The following SND1 variants were observed in gnomAD, a reference collection of about 807,000 sequenced individuals.
SND1 encodes the protein staphylococcal nuclease domain-containing protein 1.
SND1 carries 38 observed loss-of-function variants against 121.7 expected under a neutral mutation model. That is an observed-to-expected ratio of 0.31 (90% confidence interval 0.24 to 0.41). The LOEUF (loss-of-function observed/expected upper bound fraction) is 0.41, where lower values mean the gene tolerates loss of function less well. Ranked by LOEUF, SND1 falls within the 10% of genes least tolerant of loss-of-function variation. The pLI, the probability that SND1 is intolerant of heterozygous loss-of-function variation, is 1.00. For missense variants in SND1, 868 were observed against 1,184.6 expected, an observed-to-expected ratio of 0.73 and a Z score of 3.92; for synonymous variants, 401 against 447.4, an observed-to-expected ratio of 0.90 and a Z score of 1.31.
chr7:128,075,041 TTC>T (rs1793484096), intron 17 of SND1, among the ~76,000 whole-genome samples: 1 of 152,092 alleles, frequency 6.6e-6, no homozygotes, highest in African/African-American at 2.4e-5. Context: ...GCCCTGACCC[TTC>T]TCTGTCAGTG....
At chr7:128,030,600 C>A in intron 16 of SND1, 1 of 1,591,882 alleles carries the variant, frequency 6.3e-7, no homozygotes. Flanking sequence ...GATGGCATTC[C>A]AGGTGTGGTG....
intron 16 of SND1, among the ~76,000 whole-genome samples, chr7:128,060,084 G>A (rs1423039865): frequency 2.0e-5 from 3 of 152,180 alleles, no homozygotes; most frequent in Non-Finnish European, 2.9e-5. Flanking sequence ...GTGGGTGTGG[G>A]TTGCCCCTTG....
intron 2 of SND1, among the ~76,000 whole-genome samples, chr7:127,691,829 A>G (rs1223193016): frequency 5.0e-5 from 7 of 139,044 alleles, no homozygotes; most frequent in Non-Finnish European, 9.2e-5. Context: ...GAGTTTCACC[A>G]TGTTGGCCAG....
rs375879893 is a variant in SND1, at chr7:127,713,239, T to C, written c.1038+5592T>C. ...ATTCCAGGAAAACTTTATAACAATA[T>C]GAAGTGGGCTGGATGGCCCTTGGGC... On this transcript the variant is annotated intron_variant, in intron 9 of 23. Transcript: ENST00000354725. Among the ~76,000 whole-genome samples, 378 of 152,376 alleles carry C rather than the reference T, an allele frequency of 2.5e-3. 2 individuals carry two copies. The highest frequency in any genetic ancestry group is 8.7e-3 in the African/African-American group (362 of 41,584).
intron 11 of SND1, among the ~76,000 whole-genome samples, chr7:127,814,110 G>A (rs1025959240): frequency 3.9e-5 from 6 of 152,038 alleles, no homozygotes; most frequent in Non-Finnish European, 7.4e-5. Flanking sequence ...ATATTTTTCT[G>A]GTGAATGTTC....
At chr7:127,884,181 A>C (rs116815539) in intron 12 of SND1, among the ~76,000 whole-genome samples, 2,571 of 151,880 alleles carry the variant, frequency 0.017, 75 homozygotes, top group African/African-American at 0.059. Context: ...TTTTTTGAGC[A>C]CTTCCTTGTT....
chr7:127,864,920 G>A (rs1251376581), intron 12 of SND1, among the ~76,000 whole-genome samples: 1 of 152,302 alleles, frequency 6.6e-6, no homozygotes, highest in East Asian at 1.9e-4. Context: ...AGAATGGGAG[G>A]ACCAATTTTT....
chr7:128,065,917 A>C (rs1292681594), intron 16 of SND1, among the ~76,000 whole-genome samples: 2 of 152,170 alleles, frequency 1.3e-5, no homozygotes, highest in African/African-American at 4.8e-5. Context: ...GGGCCCCCTG[A>C]TTCTAGCCAC....
intron 15 of SND1, 84 bp downstream of exon 15, chr7:127,929,413 A>G: frequency 1.4e-6 from 2 of 1,415,070 alleles, no homozygotes; most frequent in East Asian, 2.3e-5. Context: ...TGTGTTCTAG[A>G]TAGGCCCTAG....
intron 14 of SND1, among the ~76,000 whole-genome samples, chr7:127,927,699 T>C (rs1374422603): frequency 6.6e-6 from 1 of 152,244 alleles, no homozygotes; most frequent in Non-Finnish European, 1.5e-5. Context: ...TCTTAGTTAC[T>C]ATGAATACTG....
chr7:127,947,426 C>T (rs1293288789), intron 15 of SND1, among the ~76,000 whole-genome samples: 1 of 152,072 alleles, frequency 6.6e-6, no homozygotes, highest in South Asian at 2.1e-4. Context: ...CAAAATAATC[C>T]ACTTCATATA....
rs145256969 is a variant in SND1, at chr7:128,028,854, A to G, written c.1779+37798A>G. On this transcript the variant is annotated intron_variant, in intron 16 of 23. Coordinates refer to ENST00000354725, the MANE Select transcript of SND1 (RefSeq NM_014390.4). ...ATGGTCATGAATTGTGGGCAGCACT[A>G]CTGCCCCCTCACCTGATACACCGGA... is the stretch of plus-strand genomic sequence containing the variant. The G allele has an allele frequency of 4.2e-4, 682 of 1,614,116 alleles. 4 individuals carry two copies. The African/African-American group carries it at 8.0e-3, about 19-fold the overall frequency.
intron 13 of SND1, among the ~76,000 whole-genome samples, chr7:127,893,707 T>C (rs576808282): frequency 6.6e-6 from 1 of 152,202 alleles, no homozygotes; most frequent in Admixed American, 6.5e-5. Flanking sequence ...TCTTATCTTT[T>C]CATGTGTATT....
At position 128,001,537 on chromosome 7, in the gene SND1, G is replaced by A. The variant is rs150834235; in HGVS notation, c.1779+10481G>A. 2.2e-3 allele frequency among the ~76,000 whole-genome samples: 333 copies of A among 152,258 alleles called. 1 individual carries two copies. The highest frequency in any genetic ancestry group is 7.7e-3 in the African/African-American group (319 of 41,544). ...TGTAAGGAGGGTACCTTCTCACTAG[G>A]GTTACTGTGAAAATTAAGTGTATGT... is the stretch of plus-strand genomic sequence containing the variant. On this transcript the variant is annotated intron_variant, in intron 16 of 23. Coordinates refer to ENST00000354725, the MANE Select transcript of SND1 (RefSeq NM_014390.4).
At chr7:128,001,395 A>G (rs949889604) in intron 16 of SND1, among the ~76,000 whole-genome samples, 4 of 152,348 alleles carry the variant, frequency 2.6e-5, no homozygotes, top group Admixed American at 6.5e-5. Flanking sequence ...GACCATGCAC[A>G]CATCCCTTAG....
At chr7:127,719,510 T>C (rs1483392242) in intron 9 of SND1, among the ~76,000 whole-genome samples, 1 of 152,194 alleles carries the variant, frequency 6.6e-6, no homozygotes, top group Non-Finnish European at 1.5e-5. Context: ...TTACCATTAA[T>C]CTTCATGTTT....
chr7:127,834,848 C>T (rs1428500633), intron 11 of SND1, among the ~76,000 whole-genome samples: 1 of 152,036 alleles, frequency 6.6e-6, no homozygotes, highest in Non-Finnish European at 1.5e-5. Context: ...TTTAATTTAC[C>T]TAAACATATA....
At chr7:127,760,667 T>C (rs140978054) in intron 10 of SND1, among the ~76,000 whole-genome samples, 1 of 152,354 alleles carries the variant, frequency 6.6e-6, no homozygotes, top group Non-Finnish European at 1.5e-5. Context: ...CTGCCATACA[T>C]TTCGCCTTTC....
At chr7:127,878,341 A>G (rs1799728553) in intron 12 of SND1, among the ~76,000 whole-genome samples, 1 of 152,194 alleles carries the variant, frequency 6.6e-6, no homozygotes, top group Admixed American at 6.5e-5. Flanking sequence ...TTCATTTAGG[A>G]GAATATTCTT....
Sources: gnomAD v4.1 joint callset for allele counts (sites outside exome capture counted in the v4.1 genomes callset) on GRCh38, gnomAD v4.1.1 for gene constraint, MANE v1.5 for transcripts, NCBI Gene and HGNC (gene_info 2026-07-23, HGNC 2026-07-21) for gene names.